Variants in CDH3 observed in about 807,000 individuals in gnomAD.
CDH3 encodes the protein cadherin-3.
A neutral mutation model predicts 82.0 loss-of-function variants in CDH3; 54 were observed. The observed-to-expected ratio is 0.66, with a 90% CI of 0.53 to 0.83. CDH3 has a LOEUF of 0.83. CDH3 is among the 40% of genes least tolerant of loss of function. The pLI, the probability that CDH3 is intolerant of heterozygous loss-of-function variation, is 0.00. For missense variants in CDH3, 1,054 were observed against 1,084.6 expected, an observed-to-expected ratio of 0.97 and a Z score of 0.40; for synonymous variants, 446 against 437.9, an observed-to-expected ratio of 1.02 and a Z score of -0.23.
At chr16:68,662,094 G>T (rs1207431207) in intron 2 of CDH3, among the ~76,000 whole-genome samples, 3 of 152,210 alleles carry the variant, frequency 2.0e-5, no homozygotes, top group African/African-American at 7.2e-5. Context: ...TAGTTTGGGA[G>T]GGTTGAGGGA....
rs567157929 is a variant in CDH3 at position 68,662,978 on chromosome 16, C to T, written c.161-13407C>T. On this transcript the variant is annotated intron_variant, in intron 2 of 15. Coordinates refer to ENST00000264012, the MANE Select transcript of CDH3 (RefSeq NM_001793.6). Reference sequence around the variant, plus strand: ...CCGCCTCCTGGGTTCAAGCTATTCTCCTGCTTTAGCCTCCCTTATAGCTGG... The same window carrying T: ...CCGCCTCCTGGGTTCAAGCTATTCTTCTGCTTTAGCCTCCCTTATAGCTGG... Among the ~76,000 whole-genome samples, 1,138 of 145,392 alleles carry T rather than the reference C, an allele frequency of 7.8e-3. 18 individuals are homozygous for T. Among genetic ancestry groups the T allele is most frequent in the African/African-American group, 0.028 (1,083 of 39,220 alleles).
chr16:68,664,330 A>G (rs11643998), intron 2 of CDH3, among the ~76,000 whole-genome samples: 24,033 of 152,144 alleles, frequency 0.16, 2,202 homozygotes, highest in Non-Finnish European at 0.21. Flanking sequence ...AAGGATCTGG[A>G]TATTTAAATT....
intron 2 of CDH3, among the ~76,000 whole-genome samples, chr16:68,673,345 AGTTTGTGC>A (rs1960939381): frequency 6.6e-6 from 1 of 152,204 alleles, no homozygotes; most frequent in African/African-American, 2.4e-5. Context: ...GTACATCCAC[AGTTTGTGC>A]AACATCGCCA....
chr16:68,718,923 T>C (rs546121134), intron 1 of CDH3, among the ~76,000 whole-genome samples: 77 of 152,174 alleles, frequency 5.1e-4, no homozygotes, highest in African/African-American at 1.7e-3. Context: ...GGTGTAGCTA[T>C]ACAATAATGG....
the CDH3 span, among the ~76,000 whole-genome samples, chr16:68,733,664 C>T: frequency 3.9e-5 from 6 of 152,314 alleles, no homozygotes; most frequent in South Asian, 6.2e-4. Flanking sequence ...ATCTCTTGAA[C>T]CTGGGAGGCA....
chr16:68,687,057 T>C (rs1567453095), intron 11 of CDH3, among the ~76,000 whole-genome samples: 1 of 152,192 alleles, frequency 6.6e-6, no homozygotes, highest in Non-Finnish European at 1.5e-5. Context: ...TTTTCCCTTG[T>C]GATTGATTGA....
At chr16:68,711,740 G>T (rs547061734) in intron 1 of CDH3, among the ~76,000 whole-genome samples, 23 of 152,330 alleles carry the variant, frequency 1.5e-4, no homozygotes, top group Non-Finnish European at 5.9e-5. Flanking sequence ...AAGCTGAGGG[G>T]TGAGGCCTGA....
At position 68,684,701 on chromosome 16, in the gene CDH3, T is replaced by C. The variant is rs755286797; in HGVS notation, c.1301T>C (p.Val434Ala). ...TATIVVHVED[V>A]NEAPVFVPPS... is the part of the protein sequence containing the mutation. The stretch of plus-strand genomic sequence containing the variant: ...ACCATAGTGGTCCACGTGGAGGATG[T>C]GAATGAGGCACCTGTGTTTGTCCCA... Residue 434 changes from valine to alanine, a missense_variant, in exon 10 of 16, where the codon GTG becomes GCG. By Grantham distance (64) the Val-to-Ala change is moderately conservative. Coordinates refer to ENST00000264012, the MANE Select transcript of CDH3 (RefSeq NM_001793.6). 19 of 1,614,054 alleles carry C rather than the reference T, an allele frequency of 1.2e-5. No individual in the cohort carries two copies. The South Asian group carries it at 2.0e-4, about 17-fold the overall frequency.
downstream of CDH3, among the ~76,000 whole-genome samples, chr16:68,728,720 C>G (rs1450480416): frequency 1.3e-5 from 2 of 152,172 alleles, no homozygotes; most frequent in Non-Finnish European, 1.5e-5. Flanking sequence ...TGGATGGGAA[C>G]AGCCATCATC....
chr16:68,695,493 C>G, intron 14 of CDH3, 108 bp downstream of exon 14: 1 of 1,127,812 alleles, frequency 8.9e-7, no homozygotes, highest in Non-Finnish European at 1.3e-6. Flanking sequence ...CAGGCCCTGG[C>G]ATGAAGCATG....
intron 6 of CDH3, 98 bp downstream of exon 6, chr16:68,679,004 T>G: frequency 7.8e-7 from 1 of 1,277,842 alleles, no homozygotes; most frequent in Non-Finnish European, 1.1e-6. Flanking sequence ...GTGTATCAGA[T>G]TACTTGGGAT....
At chr16:68,688,616 T>TTTTTTG (rs147242022) in intron 12 of CDH3, among the ~76,000 whole-genome samples, 2 of 150,986 alleles carry the variant, frequency 1.3e-5, no homozygotes, top group African/African-American at 4.9e-5. Context: ...GTCACTAGGG[T>TTTTTTG]TTTTTGTTTT....
chr16:68,733,206 G>A, the CDH3 span, among the ~76,000 whole-genome samples: 1 of 152,270 alleles, frequency 6.6e-6, no homozygotes, highest in Non-Finnish European at 1.5e-5. Context: ...GAGTGAAGTG[G>A]CTCCAGTGCT....
chr16:68,653,925 G>A (rs1960325722), intron 2 of CDH3, among the ~76,000 whole-genome samples: 1 of 151,732 alleles, frequency 6.6e-6, no homozygotes, highest in Non-Finnish European at 1.5e-5. Flanking sequence ...CGCCATGTTA[G>A]CCAGGATGGT....
chr16:68,646,192 GACC>G (rs966997853), intron 2 of CDH3: 1 of 190,410 alleles, frequency 5.3e-6, no homozygotes, highest in African/African-American at 2.4e-5. Flanking sequence ...CCGACAGACA[GACC>G]GGGTCTGTTT....
intron 2 of CDH3, among the ~76,000 whole-genome samples, chr16:68,726,683 A>G (rs983052776): frequency 1.4e-5 from 2 of 147,922 alleles, no homozygotes; most frequent in Non-Finnish European, 3.0e-5. Flanking sequence ...GGTTCACGCC[A>G]TTCTCCTGCC....
intron 2 of CDH3, among the ~76,000 whole-genome samples, chr16:68,658,424 A>G (rs1277310802): frequency 6.6e-6 from 1 of 152,064 alleles, no homozygotes; most frequent in Non-Finnish European, 1.5e-5. Flanking sequence ...TTGAGGCCCT[A>G]ACTTCCCTGT....
chr16:68,649,342 TG>T (rs1177281526), intron 2 of CDH3, among the ~76,000 whole-genome samples: 1 of 152,188 alleles, frequency 6.6e-6, no homozygotes, highest in African/African-American at 2.4e-5. Context: ...AACATCAAGA[TG>T]GTTTTGTCTA....
rs149375693 is a variant in CDH3, at chr16:68,666,585, G to A, written c.161-9800G>A. 6.6e-3 allele frequency among the ~76,000 whole-genome samples: 998 copies of A among 152,266 alleles called. 4 individuals carry two copies. The highest frequency in any genetic ancestry group is 0.01 in the Middle Eastern group (3 of 294). ...TCCTCAAAACGGGTCTGGCTCACTG[G>A]CCACCATCTTGGTTTTCTTGTGCGT... On this transcript the variant is annotated intron_variant, in intron 2 of 15. Transcript: ENST00000264012.
Sources: gnomAD v4.1 joint callset for allele counts (sites outside exome capture counted in the v4.1 genomes callset) on GRCh38, gnomAD v4.1.1 for gene constraint, MANE v1.5 for transcripts, NCBI Gene and HGNC (gene_info 2026-07-23, HGNC 2026-07-21) for gene names.